The following CPPED1 variants were observed in gnomAD, a reference collection of about 807,000 sequenced individuals.
CPPED1 encodes calcineurin like phosphoesterase domain containing 1, also known as serine/threonine-protein phosphatase CPPED1.
CPPED1 carries 28 observed loss-of-function variants against 28.0 expected under a neutral mutation model. The ratio of observed to expected loss-of-function variants is 1.00; its 90% CI spans 0.74 to 1.37. The LOEUF is 1.37. Ranked by LOEUF, CPPED1 falls within the 40% of genes most tolerant of loss-of-function variation. The pLI is 0.00. For synonymous variants in CPPED1, 198 were observed against 180.2 expected, an observed-to-expected ratio of 1.10 and a Z score of -0.79; for missense variants, 504 against 416.5, an observed-to-expected ratio of 1.21 and a Z score of -1.83.
chr16:12,710,845 T>G (rs1273988972), intron 2 of CPPED1, among the ~76,000 whole-genome samples: 5 of 152,308 alleles, frequency 3.3e-5, no homozygotes, highest in African/African-American at 1.2e-4. Context: ...TAACAGGTAT[T>G]GGTGAGGATG....
chr16:12,679,286 G>A (rs1186009238), intron 3 of CPPED1, among the ~76,000 whole-genome samples: 2 of 152,158 alleles, frequency 1.3e-5, no homozygotes, highest in African/African-American at 2.4e-5. Flanking sequence ...AGAGTAGGTG[G>A]ATATTCTTTT....
At chr16:12,668,579 C>T (rs1484013018) in intron 3 of CPPED1, among the ~76,000 whole-genome samples, 2 of 152,136 alleles carry the variant, frequency 1.3e-5, no homozygotes, top group Non-Finnish European at 2.9e-5. Flanking sequence ...AAAATATTTG[C>T]AAATCATGTA....
chr16:12,731,353 C>T (rs893261242), intron 2 of CPPED1, among the ~76,000 whole-genome samples: 1 of 149,078 alleles, frequency 6.7e-6, no homozygotes, highest in Admixed American at 6.7e-5. Context: ...CGGGGTTTCA[C>T]TGCATTAGAA....
intron 2 of CPPED1, among the ~76,000 whole-genome samples, chr16:12,732,818 G>C (rs1374910663): frequency 3.3e-5 from 5 of 152,174 alleles, no homozygotes; most frequent in Non-Finnish European, 7.3e-5. Flanking sequence ...TTTAATGTGA[G>C]GGTGGAATGA....
chr16:12,766,256 T>TATATATATATATATATATATAG, intron 2 of CPPED1, among the ~76,000 whole-genome samples: 11 of 134,286 alleles, frequency 8.2e-5, no homozygotes, highest in African/African-American at 3.8e-4. Flanking sequence ...TATATATATA[T>TATATATATATATATATATATAG]AGAGAGAGAG....
At chr16:12,730,403 C>T (rs768844197) in intron 2 of CPPED1, among the ~76,000 whole-genome samples, 1 of 152,110 alleles carries the variant, frequency 6.6e-6, no homozygotes, top group Admixed American at 6.6e-5. Context: ...AAAGACAAAC[C>T]CACATCTTCC....
intron 1 of CPPED1, among the ~76,000 whole-genome samples, chr16:12,792,342 G>A (rs2080601691): frequency 6.6e-6 from 1 of 152,160 alleles, no homozygotes; most frequent in Non-Finnish European, 1.5e-5. Flanking sequence ...AATGTCTACA[G>A]ACATTTTGAG....
intron 2 of CPPED1, among the ~76,000 whole-genome samples, chr16:12,718,577 G>C (rs1166535596): frequency 6.6e-6 from 1 of 150,572 alleles, no homozygotes; most frequent in East Asian, 2.0e-4. Flanking sequence ...AAAAGGTGTT[G>C]ATAATACGAT....
chr16:12,752,889 ATAT>A (rs1168021453), intron 2 of CPPED1: 1 of 148,470 alleles, frequency 6.7e-6, no homozygotes, highest in Admixed American at 6.8e-5. Flanking sequence ...ATATAATTAC[ATAT>A]TAATAACATT....
Position 12,781,406 on chromosome 16 carries a change from TA to T in CPPED1, c.71-4del. On this transcript the variant is annotated splice_polypyrimidine_tract_variant and splice_region_variant and intron_variant, in intron 1 of 3. Coordinates refer to ENST00000381774, the MANE Select transcript of CPPED1 (RefSeq NM_018340.3). Reference sequence around the variant, plus strand: ...GCCTTTCCATTCGCTTTCCTTTTCTTAAAAAAAGAGAGAGGGAGAAAGAAGG... The same window carrying T: ...GCCTTTCCATTCGCTTTCCTTTTCTTAAAAAAGAGAGAGGGAGAAAGAAGG... 6.2e-7 allele frequency: 1 copy of T among 1,609,338 alleles called. No homozygotes were observed. The highest frequency in any genetic ancestry group is 8.5e-7 in the Non-Finnish European group (1 of 1,178,402).
At chr16:12,712,325 A>C (rs536947796) in intron 2 of CPPED1, among the ~76,000 whole-genome samples, 1 of 152,168 alleles carries the variant, frequency 6.6e-6, no homozygotes, top group African/African-American at 2.4e-5. Context: ...TATGGTTAAG[A>C]TCATAGCTCA....
chr16:12,704,288 C>T (rs1003993822), intron 3 of CPPED1, among the ~76,000 whole-genome samples: 10 of 152,186 alleles, frequency 6.6e-5, no homozygotes, highest in African/African-American at 2.4e-4. Context: ...CCTGCCACTT[C>T]CAGAACTCCA....
intron 2 of CPPED1, among the ~76,000 whole-genome samples, chr16:12,724,864 G>C (rs966814336): frequency 6.6e-6 from 1 of 151,784 alleles, no homozygotes; most frequent in Non-Finnish European, 1.5e-5. Flanking sequence ...TCGGCTCACC[G>C]CAAGCTCAGC....
rs561720537 is a variant in CPPED1 at position 12,756,662 on chromosome 16, C to T, written c.289+24523G>A. On this transcript the variant is annotated intron_variant, in intron 2 of 3. Transcript: ENST00000381774. Reference sequence around the variant, plus strand: ...GCAGAGGTTGCAGTGAGCCGAGATACCACTGCACCCCAGCCTGGGCAACAG... The same window carrying T: ...GCAGAGGTTGCAGTGAGCCGAGATATCACTGCACCCCAGCCTGGGCAACAG... Among the ~76,000 whole-genome samples, 10 of 152,130 alleles carry T rather than the reference C, an allele frequency of 6.6e-5. No individual in the cohort carries two copies. In the South Asian group the frequency reaches 2.1e-3, roughly 32 times the overall value.
intron 3 of CPPED1, among the ~76,000 whole-genome samples, chr16:12,677,368 G>A (rs1363948220): frequency 6.6e-6 from 1 of 152,262 alleles, no homozygotes; most frequent in Non-Finnish European, 1.5e-5. Flanking sequence ...GCTGGGCGCG[G>A]TGGCTTATGC....
intron 2 of CPPED1, among the ~76,000 whole-genome samples, chr16:12,744,309 C>CAAGA (rs1312330634): frequency 6.6e-6 from 1 of 150,796 alleles, no homozygotes; most frequent in Admixed American, 6.7e-5. Flanking sequence ...AGCAAGCAAG[C>CAAGA]AAGCAAGCAA....
At chr16:12,779,450 G>A (rs547848515) in intron 2 of CPPED1, among the ~76,000 whole-genome samples, 28 of 151,506 alleles carry the variant, frequency 1.8e-4, no homozygotes, top group East Asian at 5.8e-4. Context: ...GTGCAGTGGC[G>A]CGATCTCAGC....
At chr16:12,677,412 G>A (rs1310329959) in intron 3 of CPPED1, among the ~76,000 whole-genome samples, 1 of 152,258 alleles carries the variant, frequency 6.6e-6, no homozygotes, top group Non-Finnish European at 1.5e-5. Context: ...GCCGAGGCGT[G>A]CAGATCACTT....
intron 2 of CPPED1, among the ~76,000 whole-genome samples, chr16:12,740,595 G>A (rs1021340559): frequency 5.3e-5 from 8 of 152,160 alleles, no homozygotes; most frequent in African/African-American, 1.9e-4. Flanking sequence ...ACAGCTAAAT[G>A]TCAAATTAGA....
Sources: allele counts gnomAD v4.1 joint callset (sites outside exome capture counted in the v4.1 genomes callset), GRCh38; gene constraint gnomAD v4.1.1; transcripts MANE v1.5; gene names NCBI Gene and HGNC (gene_info 2026-07-23, HGNC 2026-07-21).